YBX3: variants seen among roughly 807,000 people sequenced by gnomAD.
YBX3 encodes Y-box binding protein 3.
A neutral mutation model predicts 42.4 loss-of-function variants in YBX3; 29 were observed. The ratio of observed to expected loss-of-function variants is 0.68; its 90% CI spans 0.51 to 0.93. YBX3 has a LOEUF of 0.93. Ranked by LOEUF, YBX3 falls within the 40% of genes least tolerant of loss-of-function variation. YBX3 has a pLI of 0.00. For synonymous variants in YBX3, 195 were observed against 189.8 expected (o/e 1.03, Z -0.22); for missense variants, 517 against 527.5 (o/e 0.98, Z 0.19).
chr12:10,720,301 G>C (rs999751358), intron 1 of YBX3, among the ~76,000 whole-genome samples: 1 of 152,202 alleles, frequency 6.6e-6, no homozygotes, highest in Admixed American at 6.5e-5. Context: ...GGGTAGTTCT[G>C]AAGTTTGCTA....
chr12:10,714,255 A>G (rs950543001), intron 4 of YBX3, among the ~76,000 whole-genome samples: 2 of 152,254 alleles, frequency 1.3e-5, no homozygotes, highest in Non-Finnish European at 2.9e-5. Flanking sequence ...CATTAGGAAC[A>G]TGACCTATGG....
chr12:10,708,738 A>AC lies in YBX3; in HGVS notation c.780+1169dup, dbSNP rs1431673256. Among the ~76,000 whole-genome samples, 3 of 152,372 alleles carry AC rather than the reference A, an allele frequency of 2.0e-5. No individual in the cohort carries two copies. The East Asian group carries it at 5.8e-4, about 29-fold the overall frequency. On this transcript the variant is annotated intron_variant, in intron 6 of 9. Coordinates refer to ENST00000228251, the MANE Select transcript of YBX3 (RefSeq NM_003651.5). ...TTCTGCATATGATGTTTTACGTGGC[A>AC]CTAAGGAACGACTTTGCTCTGAAAC...
In YBX3 at chr12:10,704,064, G is replaced by A; in HGVS notation, c.865C>T (p.Pro289Ser). 3 of 1,614,034 alleles carry A rather than the reference G, an allele frequency of 1.9e-6. No homozygotes were observed. Among genetic ancestry groups the A allele is most frequent in the Non-Finnish European group, 2.5e-6 (3 of 1,180,000 alleles). The change falls in exon 7 of 10, where the codon CCA (proline) becomes TCA (serine). Residue 289 changes from proline (P) to serine (S), a missense_variant. Around this residue, in one of 3 missense-constraint regions of YBX3, gnomAD observed 420 missense variants for 408.5 expected, o/e 1.03. Transcript: ENST00000228251. ...AATGCGACATACCTACGGTACCTTG[G>A]GCGGTAAGTTGGATTTCGATGAACC... The part of the protein sequence containing the change: ...GPVHRNPTYR[P>S]RYRSRGPPRP...
intron 6 of YBX3, among the ~76,000 whole-genome samples, chr12:10,706,374 C>A (rs1948136951): frequency 1.3e-5 from 2 of 152,232 alleles, no homozygotes; most frequent in Admixed American, 1.3e-4. Flanking sequence ...ATGACCACCA[C>A]TACAGAAACC....
At position 10,705,247 on chromosome 12, in the gene YBX3, C is replaced by T. The variant is rs111969437; in HGVS notation, c.781-1099G>A. Among the ~76,000 whole-genome samples, 328 of 152,234 alleles carry T rather than the reference C, an allele frequency of 2.2e-3. 1 individual carries two copies. Among genetic ancestry groups the T allele is most frequent in the African/African-American group, 7.5e-3 (310 of 41,534 alleles). On this transcript the variant is annotated intron_variant, in intron 6 of 9. Transcript: ENST00000228251. ...TAGCTGGGACTACAGGCATGTGCCA[C>T]CACTCCCAGCTAATGTTTTGTATTT...
At chr12:10,715,398 T>C (rs1948249157) in intron 4 of YBX3, among the ~76,000 whole-genome samples, 1 of 151,894 alleles carries the variant, frequency 6.6e-6, no homozygotes, top group African/African-American at 2.4e-5. Flanking sequence ...ATACAAAAAT[T>C]AGCCGGGCGT....
chr12:10,710,523 A>G, intron 5 of YBX3: 1 of 1,180,556 alleles, frequency 8.5e-7, no homozygotes, highest in South Asian at 1.6e-5. Flanking sequence ...ACATTTTATG[A>G]TGTTACCAAC....
chr12:10,711,277 G>A (rs1054837962), intron 5 of YBX3: 2 of 152,118 alleles, frequency 1.3e-5, no homozygotes, highest in African/African-American at 2.4e-5. Context: ...TTAATGGGAA[G>A]TAACTAGTTT....
chr12:10,705,329 G>A (rs1371009489), intron 6 of YBX3, among the ~76,000 whole-genome samples: 2 of 152,130 alleles, frequency 1.3e-5, no homozygotes, highest in Non-Finnish European at 2.9e-5. Context: ...TCTTGACCTC[G>A]TGATCTACCC....
intron 7 of YBX3, chr12:10,703,838 T>A: frequency 2.0e-6 from 1 of 507,216 alleles, no homozygotes; most frequent in South Asian, 3.2e-5. Context: ...AATTCCAGAA[T>A]ACAAAATGAC....
chr12:10,701,396 A>ATAAAGT (rs1290186542), intron 8 of YBX3, 43 bp from the exon 9 acceptor site: 1 of 778,624 alleles, frequency 1.3e-6, no homozygotes, highest in South Asian at 1.4e-5. Flanking sequence ...AAGTCAGATG[A>ATAAAGT]CAGTGGAAAG....
At chr12:10,713,407 C>T (rs1297420207) in intron 4 of YBX3, 74 bp from the exon 5 acceptor site, 2 of 1,534,042 alleles carry the variant, frequency 1.3e-6, no homozygotes, top group African/African-American at 1.4e-5. Flanking sequence ...CCTTGGACTG[C>T]TAGAGTATAA....
In YBX3 at chr12:10,713,333, CCT is replaced by C. The variant is rs1324354240; in HGVS notation, c.451-2_451-1del. On this transcript the variant is annotated splice_acceptor_variant, in intron 4 of 9. Transcript: ENST00000228251. LOFTEE classifies it high-confidence loss of function. The stretch of plus-strand genomic sequence containing the variant: ...CCAGTCACATTGGCAGCTTCTGCAC[CCT>C]GAGAAGAAAATAAAAAGATGGCCTC... 1 of 1,609,498 alleles carries C rather than the reference CCT, an allele frequency of 6.2e-7. No individual in the cohort carries two copies. Among genetic ancestry groups the C allele is most frequent in the Non-Finnish European group, 8.5e-7 (1 of 1,179,048 alleles).
intron 6 of YBX3, chr12:10,704,433 C>T (rs1948115328): frequency 1.9e-5 from 5 of 268,296 alleles, no homozygotes; most frequent in Admixed American, 5.2e-5. Flanking sequence ...ACATTTCATT[C>T]ATCTCTTTAA....
At chr12:10,714,208 A>G (rs1308905059) in intron 4 of YBX3, among the ~76,000 whole-genome samples, 3 of 152,228 alleles carry the variant, frequency 2.0e-5, no homozygotes, top group African/African-American at 7.2e-5. Flanking sequence ...CCAATGAAAT[A>G]AATTGTTTTT....
rs1277708816 is a variant in YBX3, at chr12:10,713,241, G to GTGGCCACGGCGCCTTCCATAA, written c.542_543insTTATGGAAGGCGCCGTGGCCA (p.Gly187_Pro188insHisTyrGlyArgArgArgGly). On this transcript the variant is annotated inframe_insertion, in exon 5 of 10. Coordinates refer to ENST00000228251, the MANE Select transcript of YBX3 (RefSeq NM_003651.5). ...GGGGAGGGCCACGGCGCCTTCCATA[G>GTGGCCACGGCGCCTTCCATAA]TAGCCACGTCTGTAACGGCGCCGAT... 3.1e-6 allele frequency: 5 copies of GTGGCCACGGCGCCTTCCATAA among 1,613,764 alleles called. No homozygotes were observed. The African/African-American group carries it at 6.7e-5, about 22-fold the overall frequency.
chr12:10,720,459 C>A (rs1948312229), intron 1 of YBX3, among the ~76,000 whole-genome samples: 1 of 152,110 alleles, frequency 6.6e-6, no homozygotes, highest in Non-Finnish European at 1.5e-5. Context: ...TCTCTCATCT[C>A]TCCAAAGGAG....
Position 10,709,925 on chromosome 12 carries a change from G to A in YBX3, c.763C>T (p.His255Tyr), listed in dbSNP as rs776931399. The stretch of plus-strand genomic sequence containing the variant: ...AATTTTACCTGTATTCTGTTGGGAT[G>A]GGGTAAGACCCGTGAGCGACGGTCA... ...TFDRRSRVLP[H>Y]PNRIQAGEIG... The change falls in exon 6 of 10, where the codon CAT (histidine) becomes TAT (tyrosine). Residue 255 changes from histidine to tyrosine, a missense_variant. By Grantham distance (83) the His-to-Tyr change is moderately conservative. Coordinates refer to ENST00000228251, the MANE Select transcript of YBX3 (RefSeq NM_003651.5). 5.0e-6 allele frequency: 8 copies of A among 1,614,042 alleles called. No homozygotes were observed. In the East Asian group the frequency reaches 1.6e-4, roughly 31 times the overall value.
intron 5 of YBX3, 72 bp downstream of exon 5, chr12:10,713,139 T>A (rs561164880): frequency 1.3e-6 from 2 of 1,493,852 alleles, no homozygotes; most frequent in Non-Finnish European, 1.8e-6. Context: ...ATTTATCTGC[T>A]CCAAGTACAT....
Sources: allele counts gnomAD v4.1 joint callset (sites outside exome capture counted in the v4.1 genomes callset), GRCh38; gene constraint gnomAD v4.1.1; regional missense constraint gnomAD v4.1.1; transcripts MANE v1.5; gene names NCBI Gene and HGNC (gene_info 2026-07-23, HGNC 2026-07-21).